The following CXXC5 variants were observed in gnomAD, a reference collection of about 807,000 sequenced individuals.
CXXC5 encodes CXXC finger protein 5.
Under a neutral mutation model 17.6 loss-of-function variants are expected in CXXC5, and 2 were observed. That is an observed-to-expected ratio of 0.11 (90% CI 0.05 to 0.36). The LOEUF is 0.36. Ranked by LOEUF, CXXC5 falls within the 10% of genes least tolerant of loss-of-function variation. CXXC5 has a pLI of 1.00. For synonymous variants in CXXC5, 171 were observed against 193.0 expected, an observed-to-expected ratio of 0.89 and a Z score of 0.94; for missense variants, 343 against 458.3, an observed-to-expected ratio of 0.75 and a Z score of 2.30.
rs1157902962 is a variant in CXXC5 at position 139,661,224 on chromosome 5, G to T, written c.-161+12379G>T. ...GTCGGCCATCAGCCCAGCAGAGCAGGGTGAGCTGGGCGGGCGGGCGGCAGG... is the reference window on the plus strand; with the variant it reads ...GTCGGCCATCAGCCCAGCAGAGCAGTGTGAGCTGGGCGGGCGGGCGGCAGG... On this transcript the variant is annotated intron_variant, in intron 1 of 2. Coordinates refer to ENST00000302517, the MANE Select transcript of CXXC5 (RefSeq NM_016463.9). The surrounding 1 kb of genome is among the most constrained non-coding windows in gnomAD (Gnocchi z 4.7). 6.6e-6 allele frequency among the ~76,000 whole-genome samples: 1 copy of T among 152,206 alleles called. No homozygotes were observed. The highest frequency in any genetic ancestry group is 1.5e-5 in the Non-Finnish European group (1 of 68,034).
rs1272962772 is a variant in CXXC5, at chr5:139,668,714, G to GGGAGAGATATGCTTATCCCA, written c.-160-11647_-160-11628dup. ...TGGCTTGGAGGCTCTCTTCAGTCTCGGGAGAGATATGCTTATCCCAGGCGG... is the reference window on the plus strand; with the variant it reads ...TGGCTTGGAGGCTCTCTTCAGTCTCGGGAGAGATATGCTTATCCCAGGAGAGATATGCTTATCCCAGGCGG... On this transcript the variant is annotated intron_variant, in intron 1 of 2. Transcript: ENST00000302517. This position sits in a 1 kb window ranked among gnomAD's most constrained non-coding sequence, Gnocchi z 4.1. Among the ~76,000 whole-genome samples the GGGAGAGATATGCTTATCCCA allele has an allele frequency of 6.6e-5, 10 of 152,318 alleles. No individual in the cohort carries two copies. Among genetic ancestry groups the GGGAGAGATATGCTTATCCCA allele is most frequent in the African/African-American group, 2.4e-4 (10 of 41,570 alleles).
chr5:139,652,156 GCGCGCGCGC>G, intron 1 of CXXC5, among the ~76,000 whole-genome samples: 1 of 94,356 alleles, frequency 1.1e-5, no homozygotes, highest in East Asian at 2.6e-4. Flanking sequence ...CGGCGCGCGC[GCGCGCGCGC>G]GCGCGCGTGT....
At chr5:139,669,779 C>T (rs1479489886) in intron 1 of CXXC5, among the ~76,000 whole-genome samples, 1 of 152,166 alleles carries the variant, frequency 6.6e-6, no homozygotes, top group African/African-American at 2.4e-5. Context: ...GCTCTGCGTG[C>T]TTCTCACACA....
chr5:139,673,977 C>T (rs1047781368), intron 1 of CXXC5, among the ~76,000 whole-genome samples: 2 of 151,960 alleles, frequency 1.3e-5, no homozygotes, highest in East Asian at 3.9e-4. Flanking sequence ...GGTGTGGAGT[C>T]GGGGATATAG....
chr5:139,680,501 G>A lies in CXXC5; in HGVS notation c.-23G>A. On this transcript the variant is annotated 5_prime_UTR_variant, in exon 2 of 3. Coordinates refer to ENST00000302517, the MANE Select transcript of CXXC5 (RefSeq NM_016463.9). Reference sequence around the variant, plus strand: ...GCAGTTGGCAGGCTCCCTCTGCAGTGGGGTCTGGGCCTCGGCCCCACCATG... The same window carrying A: ...GCAGTTGGCAGGCTCCCTCTGCAGTAGGGTCTGGGCCTCGGCCCCACCATG... 3 of 1,540,072 alleles carry A rather than the reference G, an allele frequency of 1.9e-6. No individual in the cohort carries two copies. Among genetic ancestry groups the A allele is most frequent in the Non-Finnish European group, 2.6e-6 (3 of 1,144,844 alleles).
At position 139,683,494 on chromosome 5, in the gene CXXC5, C is replaced by T. The variant is rs116590735; in HGVS notation, c.*587C>T. 98 of 152,484 alleles carry T rather than the reference C, an allele frequency of 6.4e-4. No individual in the cohort carries two copies. The highest frequency in any genetic ancestry group is 2.3e-3 in the African/African-American group (94 of 41,546). The allele number at this position is 152,484 out of a possible 1,614,324, so 9.4% of individuals were successfully genotyped here. ...CGCGTGCAGAGCTGCCAGCAGGGAG[C>T]TCACAGAAGGGGAGGGAGCACCAGG... is the stretch of plus-strand genomic sequence containing the variant. On this transcript the variant is annotated 3_prime_UTR_variant, in exon 3 of 3. Transcript: ENST00000302517.
intron 1 of CXXC5, among the ~76,000 whole-genome samples, chr5:139,675,215 A>G (rs1756713011): frequency 1.3e-5 from 2 of 152,170 alleles, no homozygotes; most frequent in Non-Finnish European, 2.9e-5. Context: ...GCAAAGGAAT[A>G]TCTAGAACAT....
intron 1 of CXXC5, among the ~76,000 whole-genome samples, chr5:139,677,578 T>TCC (rs1162731057): frequency 2.0e-5 from 3 of 152,174 alleles, no homozygotes; most frequent in African/African-American, 7.2e-5. Context: ...TGTGAGCCAG[T>TCC]CCCTCCGTGT....
chr5:139,669,426 A>G (rs1756322387), intron 1 of CXXC5, among the ~76,000 whole-genome samples: 3 of 151,780 alleles, frequency 2.0e-5, no homozygotes, highest in Non-Finnish European at 4.4e-5. Context: ...CCATAGCGGG[A>G]GAGAGGGTAG....
Position 139,680,494 on chromosome 5 carries a change from C to T in CXXC5, c.-30C>T, listed in dbSNP as rs1466515181. The T allele has an allele frequency of 1.3e-6, 2 of 1,534,746 alleles. No homozygotes were observed. The highest frequency in any genetic ancestry group is 2.4e-5 in the East Asian group (1 of 41,022). On this transcript the variant is annotated 5_prime_UTR_variant, in exon 2 of 3. Transcript: ENST00000302517. ...ACCCTCGGCAGTTGGCAGGCTCCCT[C>T]TGCAGTGGGGTCTGGGCCTCGGCCC...
chr5:139,663,052 G>A lies in CXXC5; in HGVS notation c.-161+14207G>A, dbSNP rs1277243184. 1.3e-5 allele frequency among the ~76,000 whole-genome samples: 2 copies of A among 152,090 alleles called. No individual in the cohort carries two copies. ...CCTTAATTAGAATGTCTTGGATTTAGCCTTCTCTAGGGCTGTTCTCAGATG... is the reference window on the plus strand; with the variant it reads ...CCTTAATTAGAATGTCTTGGATTTAACCTTCTCTAGGGCTGTTCTCAGATG... On this transcript the variant is annotated intron_variant, in intron 1 of 2. Transcript: ENST00000302517. The surrounding 1 kb of genome is among the most constrained non-coding windows in gnomAD (Gnocchi z 4.2).
rs1047867841 is a variant in CXXC5, at chr5:139,670,109, T to G, written c.-160-10255T>G. Among the ~76,000 whole-genome samples, 1 of 152,194 alleles carries G rather than the reference T, an allele frequency of 6.6e-6. No individual in the cohort carries two copies. The highest frequency in any genetic ancestry group is 2.4e-5 in the African/African-American group (1 of 41,446). ...GATAGCGACTCCGGAACCAGCCGGCTCGGCCCCATGGCCCCTCTCGCCTCA... is the reference window on the plus strand; with the variant it reads ...GATAGCGACTCCGGAACCAGCCGGCGCGGCCCCATGGCCCCTCTCGCCTCA... On this transcript the variant is annotated intron_variant, in intron 1 of 2. Coordinates refer to ENST00000302517, the MANE Select transcript of CXXC5 (RefSeq NM_016463.9). This position sits in a 1 kb window ranked among gnomAD's most constrained non-coding sequence, Gnocchi z 4.2.
rs772136553 is a variant in CXXC5 at position 139,681,109 on chromosome 5, G to C, written c.586G>C (p.Val196Leu). Reference sequence around the variant, plus strand: ...TGCTGGCCTGCCTGACATGGAGGCTGTGGCAGGTGCCGAAGCCCTCAATGG... The same window carrying C: ...TGCTGGCCTGCCTGACATGGAGGCTCTGGCAGGTGCCGAAGCCCTCAATGG... ...AGAGLPDMEA[V>L]AGAEALNGQS... Residue 196 changes from valine (V) to leucine (L), a missense_variant, in exon 2 of 3, where the codon GTG becomes CTG. Around this residue, in one of 4 missense-constraint regions of CXXC5, gnomAD observed 297 missense variants for 363.4 expected, o/e 0.82. Transcript: ENST00000302517. 3.5e-5 allele frequency: 56 copies of C among 1,612,718 alleles called. No homozygotes were observed. The highest frequency in any genetic ancestry group is 4.2e-5 in the Non-Finnish European group (49 of 1,179,968).
rs72790988 is a variant in CXXC5 at position 139,662,451 on chromosome 5, G to A, written c.-161+13606G>A. 7.5e-4 allele frequency among the ~76,000 whole-genome samples: 114 copies of A among 152,216 alleles called. 1 individual carries two copies. In the South Asian group the frequency reaches 0.014, roughly 19 times the overall value. ...TCCATATGCTGCCAAAAAAAAAGCC[G>A]TTTTTCAGATGAGAGAAGTGAGTCT... is the stretch of plus-strand genomic sequence containing the variant. On this transcript the variant is annotated intron_variant, in intron 1 of 2. Transcript: ENST00000302517.
At position 139,671,682 on chromosome 5, in the gene CXXC5, T is replaced by A. The variant is rs1561542492; in HGVS notation, c.-160-8682T>A. Among the ~76,000 whole-genome samples, 3 of 152,200 alleles carry A rather than the reference T, an allele frequency of 2.0e-5. No individual in the cohort carries two copies. In the South Asian group the frequency reaches 6.2e-4, roughly 32 times the overall value. On this transcript the variant is annotated intron_variant, in intron 1 of 2. Transcript: ENST00000302517. ...CCCGTCTGGCCCACCCGCAGCCCCT[T>A]CCCCATCTTTTCCAGGGCCTTGGGG...
chr5:139,678,387 C>T (rs980017815), intron 1 of CXXC5, among the ~76,000 whole-genome samples: 1 of 152,200 alleles, frequency 6.6e-6, no homozygotes, highest in Non-Finnish European at 1.5e-5. Context: ...TGCCCCCCAA[C>T]CCAGCCTGGA....
intron 1 of CXXC5, among the ~76,000 whole-genome samples, chr5:139,657,828 G>C (rs1755567873): frequency 6.6e-6 from 1 of 152,172 alleles, no homozygotes; most frequent in African/African-American, 2.4e-5. Context: ...AAGATAAAGC[G>C]TGGAGCTTGG....
chr5:139,660,039 G>A (rs1755704208), intron 1 of CXXC5, among the ~76,000 whole-genome samples: 1 of 152,090 alleles, frequency 6.6e-6, no homozygotes, highest in Non-Finnish European at 1.5e-5. Context: ...AGCCGGGTGG[G>A]CAGGCAGGCA....
chr5:139,682,953 C>T lies in CXXC5; in HGVS notation c.*46C>T, dbSNP rs373259940. ...GCCCTCTCCGTGCAATGTCACTGCT[C>T]GTGTGGTCTCCAGCAAGGGATTCGG... is the stretch of plus-strand genomic sequence containing the variant. On this transcript the variant is annotated 3_prime_UTR_variant, in exon 3 of 3. Coordinates refer to ENST00000302517, the MANE Select transcript of CXXC5 (RefSeq NM_016463.9). The T allele has an allele frequency of 1.1e-5, 17 of 1,521,762 alleles. No individual in the cohort carries two copies. Among genetic ancestry groups the T allele is most frequent in the Middle Eastern group, 1.7e-4 (1 of 5,826 alleles). The allele number at this position is 1,521,762 out of a possible 1,614,324, so 94.3% of individuals were successfully genotyped here.
Sources: allele counts gnomAD v4.1 joint callset (sites outside exome capture counted in the v4.1 genomes callset), GRCh38; gene constraint gnomAD v4.1.1; regional missense constraint gnomAD v4.1.1; non-coding constraint Gnocchi (gnomAD v3.1); transcripts MANE v1.5; gene names NCBI Gene and HGNC (gene_info 2026-07-23, HGNC 2026-07-21).